The following CDH13 variants were observed in gnomAD, a reference collection of about 807,000 sequenced individuals.
CDH13 encodes cadherin 13, also known as cadherin-13.
In CDH13, 24 loss-of-function variants were observed where a neutral mutation model predicts 63.8. The ratio of observed to expected loss-of-function variants is 0.38; its 90% CI spans 0.27 to 0.53. CDH13 has a LOEUF of 0.53. CDH13 is among the 20% of genes least tolerant of loss of function. CDH13 has a pLI of 0.85. For missense variants in CDH13, 1,049 were observed against 903.1 expected (o/e 1.16, Z -2.07); for synonymous variants, 503 against 355.3 (o/e 1.42, Z -4.67).
At chr16:82,757,930 T>C (rs890713891) in intron 1 of CDH13, among the ~76,000 whole-genome samples, 2 of 152,140 alleles carry the variant, frequency 1.3e-5, no homozygotes, top group Non-Finnish European at 2.9e-5. Context: ...ATTACAGGCG[T>C]GAGTCACCGC....
chr16:83,005,196 T>G (rs1913357997), intron 2 of CDH13, among the ~76,000 whole-genome samples: 2 of 152,188 alleles, frequency 1.3e-5, no homozygotes, highest in African/African-American at 2.4e-5. Flanking sequence ...TGCCAGGGCT[T>G]TAACCGGTGG....
intron 1 of CDH13, among the ~76,000 whole-genome samples, chr16:82,846,789 T>C (rs374104429): frequency 2.6e-5 from 4 of 152,224 alleles, no homozygotes; most frequent in African/African-American, 2.4e-5. Context: ...ATGTTAAATT[T>C]TCACTAAGAA....
intron 1 of CDH13, among the ~76,000 whole-genome samples, chr16:82,760,561 T>G (rs547166309): frequency 7.9e-5 from 12 of 152,140 alleles, no homozygotes; most frequent in Non-Finnish European, 1.8e-4. Flanking sequence ...ATTTATTGAG[T>G]GTCTTTACTG....
chr16:82,731,636 A>T (rs74500046), intron 1 of CDH13, among the ~76,000 whole-genome samples: 31 of 152,360 alleles, frequency 2.0e-4, no homozygotes, highest in African/African-American at 7.2e-4. Flanking sequence ...CAACATTGAT[A>T]TGGGAACCAC....
At chr16:83,175,346 A>G (rs769955247) in intron 4 of CDH13, among the ~76,000 whole-genome samples, 8 of 152,302 alleles carry the variant, frequency 5.3e-5, no homozygotes, top group Middle Eastern at 6.8e-3. Context: ...TGATTAAAAG[A>G]TGACAAGTTC....
intron 1 of CDH13, among the ~76,000 whole-genome samples, chr16:82,743,456 C>A (rs1047581066): frequency 6.6e-6 from 1 of 152,136 alleles, no homozygotes; most frequent in African/African-American, 2.4e-5. Context: ...CTCAAACGAT[C>A]CACTCACCCA....
At chr16:83,778,821 C>T (rs1459669229) in intron 11 of CDH13, among the ~76,000 whole-genome samples, 1 of 152,092 alleles carries the variant, frequency 6.6e-6, no homozygotes, top group African/African-American at 2.4e-5. Context: ...CTTTTTCACC[C>T]CCAGAAGAAA....
At chr16:82,900,472 A>G (rs533267360) in intron 2 of CDH13, among the ~76,000 whole-genome samples, 1 of 152,322 alleles carries the variant, frequency 6.6e-6, no homozygotes, top group South Asian at 2.1e-4. Flanking sequence ...ATTCTATCAA[A>G]AAGCTCAGCT....
intron 5 of CDH13, among the ~76,000 whole-genome samples, chr16:83,227,372 T>G (rs530016823): frequency 5.3e-5 from 8 of 152,140 alleles, no homozygotes; most frequent in African/African-American, 1.9e-4. Context: ...AAGCTGACAT[T>G]GATCAGGGGG....
intron 4 of CDH13, among the ~76,000 whole-genome samples, chr16:83,169,185 CT>C (rs148647688): frequency 8.1e-5 from 12 of 148,676 alleles, no homozygotes; most frequent in South Asian, 2.1e-4. Context: ...CTTAGGTTTC[CT>C]TTTTTTTTTG....
chr16:82,934,468 A>C (rs536159728), intron 2 of CDH13, among the ~76,000 whole-genome samples: 15 of 152,282 alleles, frequency 9.9e-5, no homozygotes, highest in African/African-American at 3.4e-4. Context: ...AGGGGCTACC[A>C]TGAAGATCTG....
At chr16:83,732,262 C>T (rs993026095) in intron 10 of CDH13, among the ~76,000 whole-genome samples, 1 of 152,098 alleles carries the variant, frequency 6.6e-6, no homozygotes, top group Non-Finnish European at 1.5e-5. Context: ...GAGAAGGCCA[C>T]CTTAGATGGG....
intron 4 of CDH13, among the ~76,000 whole-genome samples, chr16:83,178,891 T>G (rs1344738674): frequency 6.6e-6 from 1 of 152,212 alleles, no homozygotes; most frequent in Middle Eastern, 3.2e-3. Flanking sequence ...CCCTAACTTA[T>G]TAAAGTTGCT....
At chr16:82,993,055 T>G (rs1911830166) in intron 2 of CDH13, among the ~76,000 whole-genome samples, 1 of 152,160 alleles carries the variant, frequency 6.6e-6, no homozygotes, top group African/African-American at 2.4e-5. Context: ...TTTGTTTGTT[T>G]CCTCAAGACT....
intron 1 of CDH13, among the ~76,000 whole-genome samples, chr16:82,782,106 T>C (rs2035781459): frequency 6.6e-6 from 1 of 152,134 alleles, no homozygotes; most frequent in Non-Finnish European, 1.5e-5. Flanking sequence ...TGTTGTTTGG[T>C]AGAAATATGG....
intron 2 of CDH13, among the ~76,000 whole-genome samples, chr16:82,973,896 T>G (rs1909129830): frequency 6.6e-6 from 1 of 152,140 alleles, no homozygotes; most frequent in Non-Finnish European, 1.5e-5. Flanking sequence ...CACACCTTAT[T>G]TTTTGCTTTC....
At chr16:82,948,078 A>G (rs1008563635) in intron 2 of CDH13, among the ~76,000 whole-genome samples, 1 of 152,206 alleles carries the variant, frequency 6.6e-6, no homozygotes, top group African/African-American at 2.4e-5. Context: ...GGACATTGAA[A>G]GATATTGTCA....
intron 4 of CDH13, among the ~76,000 whole-genome samples, chr16:83,197,349 G>T (rs2038904853): frequency 6.6e-6 from 1 of 151,756 alleles, no homozygotes; most frequent in African/African-American, 2.4e-5. Context: ...TGGAAAGCCG[G>T]GTATCCATCC....
chr16:83,629,891 G>A (rs944002104), intron 8 of CDH13, among the ~76,000 whole-genome samples: 8 of 152,192 alleles, frequency 5.3e-5, no homozygotes, highest in Admixed American at 3.3e-4. Context: ...TTACAACAGC[G>A]TTGAATCCAT....
Sources: allele counts gnomAD v4.1 joint callset (sites outside exome capture counted in the v4.1 genomes callset), GRCh38; gene constraint gnomAD v4.1.1; transcripts MANE v1.5; gene names NCBI Gene and HGNC (gene_info 2026-07-23, HGNC 2026-07-21).